ZFHX3: variants seen among roughly 807,000 people sequenced by gnomAD.
ZFHX3 encodes the protein zinc finger homeobox 3.
In ZFHX3, 42 loss-of-function variants were observed where a neutral mutation model predicts 279.1. The ratio of observed to expected loss-of-function variants is 0.15; its 90% confidence interval spans 0.12 to 0.19. ZFHX3 has a LOEUF of 0.19. Among genes scored for constraint, ZFHX3 ranks in the 10% least tolerant of loss-of-function variants. The probability of loss-of-function intolerance (pLI) is 1.00; values close to 1 mark genes in which losing one functional copy is unlikely to be tolerated. For synonymous variants in ZFHX3, 2,293 were observed against 1,957.8 expected (o/e 1.17, Z -4.52); for missense variants, 4,981 against 4,754.0 (o/e 1.05, Z -1.40).
chr16:73,659,401 G>C (rs138490705), intron 2 of ZFHX3, among the ~76,000 whole-genome samples: 1 of 152,268 alleles, frequency 6.6e-6, no homozygotes, highest in African/African-American at 2.4e-5. Context: ...TTATATAAGG[G>C]TGTCAGGTTC....
chr16:73,377,128 T>C (rs7192447), intron 3 of ZFHX3, among the ~76,000 whole-genome samples: 14,952 of 152,152 alleles, frequency 0.098, 808 homozygotes, highest in Middle Eastern at 0.13. Flanking sequence ...CGTGCCACCA[T>C]GCCTAGCTAA....
chr16:73,603,500 C>G (rs62042980), intron 2 of ZFHX3, among the ~76,000 whole-genome samples: 1 of 151,230 alleles, frequency 6.6e-6, no homozygotes, highest in East Asian at 1.9e-4. Context: ...GTTGGTGAGA[C>G]GTGCTCCCAT....
intron 1 of ZFHX3, among the ~76,000 whole-genome samples, chr16:73,753,570 G>A (rs2053779527): frequency 1.3e-5 from 2 of 152,180 alleles, no homozygotes; most frequent in African/African-American, 2.4e-5. Context: ...ATAAGGTGCT[G>A]GCTCTGGGAA....
intron 3 of ZFHX3, among the ~76,000 whole-genome samples, chr16:72,894,745 G>A (rs2038855498): frequency 1.3e-5 from 2 of 152,128 alleles, no homozygotes; most frequent in African/African-American, 2.4e-5. Context: ...AATCCCAGTG[G>A]TGCACTCAAG....
intron 4 of ZFHX3, among the ~76,000 whole-genome samples, chr16:73,290,073 T>G (rs1298529865): frequency 6.6e-6 from 1 of 151,024 alleles, no homozygotes; most frequent in East Asian, 1.9e-4. Context: ...ATATACGAAC[T>G]AAGAACATAA....
intron 5 of ZFHX3, among the ~76,000 whole-genome samples, chr16:73,175,415 G>A (rs1967640751): frequency 6.6e-6 from 1 of 151,334 alleles, no homozygotes; most frequent in South Asian, 2.1e-4. Flanking sequence ...AAAACCACTG[G>A]TGGCCCCTGC....
chr16:72,887,035 T>C (rs2038643550), intron 4 of ZFHX3, among the ~76,000 whole-genome samples: 1 of 152,224 alleles, frequency 6.6e-6, no homozygotes, highest in Non-Finnish European at 1.5e-5. Context: ...CAACAGCCCT[T>C]TCCTGAACAA....
At chr16:72,930,476 C>A (rs1331032862) in intron 3 of ZFHX3, among the ~76,000 whole-genome samples, 1 of 151,872 alleles carries the variant, frequency 6.6e-6, no homozygotes, top group East Asian at 1.9e-4. Context: ...CTCTTGCAGA[C>A]AGATTTTATA....
intron 3 of ZFHX3, among the ~76,000 whole-genome samples, chr16:72,899,812 C>G (rs142456451): frequency 6.6e-6 from 1 of 152,108 alleles, no homozygotes; most frequent in Non-Finnish European, 1.5e-5. Flanking sequence ...GTCTGATACA[C>G]GGTTAGCCTT....
chr16:73,740,009 C>T (rs1364614297), intron 1 of ZFHX3, among the ~76,000 whole-genome samples: 2 of 152,138 alleles, frequency 1.3e-5, no homozygotes, highest in East Asian at 1.9e-4. Flanking sequence ...GGGACATCAT[C>T]TTCTGATTGT....
chr16:72,978,169 A>AT (rs949519325), intron 1 of ZFHX3, among the ~76,000 whole-genome samples: 20 of 151,882 alleles, frequency 1.3e-4, no homozygotes, highest in African/African-American at 4.4e-4. Flanking sequence ...CCAGCCTGGG[A>AT]TTTTTTTTCT....
chr16:73,507,848 C>T (rs1438853552), intron 2 of ZFHX3, among the ~76,000 whole-genome samples: 1 of 152,002 alleles, frequency 6.6e-6, no homozygotes, highest in Non-Finnish European at 1.5e-5. Flanking sequence ...TTAACCTGTC[C>T]AATCCTTGGA....
At chr16:73,082,079 C>T (rs566721090) in intron 8 of ZFHX3, among the ~76,000 whole-genome samples, 1 of 151,924 alleles carries the variant, frequency 6.6e-6, no homozygotes, top group East Asian at 1.9e-4. Flanking sequence ...TCAGGTGATC[C>T]ACCCGCCTCA....
chr16:73,183,626 T>C (rs898209773), intron 5 of ZFHX3, among the ~76,000 whole-genome samples: 2 of 152,200 alleles, frequency 1.3e-5, no homozygotes, highest in Non-Finnish European at 2.9e-5. Context: ...CTTCACACGC[T>C]GTCTTACGTT....
At chr16:73,143,860 C>G (rs943967722) in intron 5 of ZFHX3, 22 of 1,139,552 alleles carry the variant, frequency 1.9e-5, no homozygotes, top group Non-Finnish European at 2.6e-5. Flanking sequence ...GACAAAAACA[C>G]GGTTGGGGAG....
chr16:72,997,420 T>C (rs572351440), intron 1 of ZFHX3, among the ~76,000 whole-genome samples: 1 of 152,284 alleles, frequency 6.6e-6, no homozygotes, highest in Admixed American at 6.5e-5. Context: ...GTAACCACCC[T>C]TGCCCTCAAG....
intron 4 of ZFHX3, among the ~76,000 whole-genome samples, chr16:73,271,281 T>C (rs1239082862): frequency 1.3e-5 from 2 of 152,190 alleles, no homozygotes; most frequent in Non-Finnish European, 2.9e-5. Flanking sequence ...GCCCTTTTTG[T>C]TTTCTTCTAA....
At chr16:73,347,829 T>C (rs941495203) in intron 3 of ZFHX3, among the ~76,000 whole-genome samples, 3 of 152,238 alleles carry the variant, frequency 2.0e-5, no homozygotes, top group Non-Finnish European at 2.9e-5. Context: ...TTATACTTTG[T>C]AGATTAAAGT....
chr16:73,283,896 A>T (rs1797573965), intron 4 of ZFHX3, among the ~76,000 whole-genome samples: 1 of 152,152 alleles, frequency 6.6e-6, no homozygotes, highest in Admixed American at 6.5e-5. Flanking sequence ...TCGCAATGAG[A>T]TATGATCGTA....
Sources: allele counts gnomAD v4.1 joint callset (sites outside exome capture counted in the v4.1 genomes callset), GRCh38; gene constraint gnomAD v4.1.1; transcripts MANE v1.5; gene names NCBI Gene and HGNC (gene_info 2026-07-23, HGNC 2026-07-21).